The following EPHA3 variants were observed in gnomAD, a reference collection of about 807,000 sequenced individuals.
EPHA3 encodes EPH receptor A3.
EPHA3 carries 42 observed loss-of-function variants against 107.1 expected under a neutral mutation model. That is an observed-to-expected ratio of 0.39 (90% confidence interval 0.31 to 0.51). The LOEUF is 0.51. EPHA3 is among the 20% of genes least tolerant of loss of function. The pLI is 0.78. For synonymous variants in EPHA3, 461 were observed against 424.8 expected, an observed-to-expected ratio of 1.09 and a Z score of -1.05; for missense variants, 1,183 against 1,211.2, an observed-to-expected ratio of 0.98 and a Z score of 0.35.
rs1174531983 is a variant in EPHA3 at position 89,348,099 on chromosome 3, G to A, written c.1306+6009G>A. ...CTCTTTTTTGGTTGTATCTCTGCCCGGCTTTGGTATCAGAATGATGCTGGC... is the reference window on the plus strand; with the variant it reads ...CTCTTTTTTGGTTGTATCTCTGCCCAGCTTTGGTATCAGAATGATGCTGGC... On this transcript the variant is annotated intron_variant, in intron 5 of 16. Coordinates refer to ENST00000336596, the MANE Select transcript of EPHA3 (RefSeq NM_005233.6). 7.4e-5 allele frequency among the ~76,000 whole-genome samples: 11 copies of A among 148,158 alleles called. 1 individual carries two copies. The highest frequency in any genetic ancestry group is 1.2e-4 in the African/African-American group (5 of 40,642).
chr3:89,423,347 T>G (rs1709391354), intron 11 of EPHA3, among the ~76,000 whole-genome samples: 1 of 151,382 alleles, frequency 6.6e-6, no homozygotes, highest in Non-Finnish European at 1.5e-5. Flanking sequence ...TTTCCCTGCA[T>G]GTACGGTAAG....
At chr3:89,350,617 C>T (rs1234532862) in intron 5 of EPHA3, among the ~76,000 whole-genome samples, 8 of 151,030 alleles carry the variant, frequency 5.3e-5, no homozygotes, top group Admixed American at 1.3e-4. Context: ...TCTCTCAGCT[C>T]GTCAAAGTCA....
chr3:89,136,955 C>A (rs1006395377), intron 2 of EPHA3, among the ~76,000 whole-genome samples: 1 of 151,772 alleles, frequency 6.6e-6, no homozygotes, highest in Non-Finnish European at 1.5e-5. Flanking sequence ...ATAACTTTGG[C>A]ACTAAGCTCT....
intron 11 of EPHA3, among the ~76,000 whole-genome samples, chr3:89,428,597 G>A (rs568059136): frequency 5.1e-4 from 77 of 152,018 alleles, no homozygotes; most frequent in Non-Finnish European, 8.5e-4. Context: ...TGTAGAACTC[G>A]TGTAGAATCC....
At chr3:89,344,397 TA>T (rs373299624) in intron 5 of EPHA3, among the ~76,000 whole-genome samples, 2 of 152,124 alleles carry the variant, frequency 1.3e-5, no homozygotes, top group Middle Eastern at 6.8e-3. Flanking sequence ...CTCTCCCATT[TA>T]AAAAAAATCA....
Position 89,140,710 on chromosome 3 carries a change from A to G in EPHA3, c.153+13437A>G, listed in dbSNP as rs563529353. Reference sequence around the variant, plus strand: ...CATTTAGGGGAAGGTTAAGTGTAATAGCATTATTTCAGAAGTGAAAATATA... The same window carrying G: ...CATTTAGGGGAAGGTTAAGTGTAATGGCATTATTTCAGAAGTGAAAATATA... On this transcript the variant is annotated intron_variant, in intron 2 of 16. Transcript: ENST00000336596. Among the ~76,000 whole-genome samples the G allele has an allele frequency of 1.4e-3, 211 of 151,850 alleles. 2 individuals carry two copies. The highest frequency in any genetic ancestry group is 4.8e-3 in the African/African-American group (198 of 41,518).
chr3:89,340,152 G>A (rs79543541), intron 3 of EPHA3, among the ~76,000 whole-genome samples: 2,807 of 152,172 alleles, frequency 0.018, 39 homozygotes, highest in Non-Finnish European at 0.031. Flanking sequence ...ATCAATGTTC[G>A]ATAACCAGTT....
intron 10 of EPHA3, 92 bp from the exon 11 acceptor site, chr3:89,419,113 A>G: frequency 7.6e-7 from 1 of 1,314,738 alleles, no homozygotes; most frequent in South Asian, 1.6e-5. Context: ...AAATATTTTA[A>G]ATGGAAATTT....
intron 2 of EPHA3, among the ~76,000 whole-genome samples, chr3:89,128,500 A>C (rs951228603): frequency 6.6e-6 from 1 of 152,146 alleles, no homozygotes; most frequent in Non-Finnish European, 1.5e-5. Context: ...GAAACTAATC[A>C]TCTAAAAGTC....
intron 10 of EPHA3, among the ~76,000 whole-genome samples, chr3:89,418,886 C>A (rs1249657792): frequency 6.6e-6 from 1 of 151,378 alleles, no homozygotes; most frequent in Non-Finnish European, 1.5e-5. Flanking sequence ...GTAGCTATGA[C>A]AACAAGGGGT....
rs567607724 is a variant in EPHA3 at position 89,212,980 on chromosome 3, C to A, written c.814+2460C>A. ...TTGTTTTACTTCTGACTTAGGATAC[C>A]AGTTCTTACTCTCCACTCATTTCTC... On this transcript the variant is annotated intron_variant, in intron 3 of 16. Transcript: ENST00000336596. 1.3e-5 allele frequency among the ~76,000 whole-genome samples: 2 copies of A among 152,020 alleles called. 1 individual carries two copies. Among genetic ancestry groups the A allele is most frequent in the African/African-American group, 4.8e-5 (2 of 41,516 alleles).
At chr3:89,121,264 T>TA (rs1365050510) in intron 1 of EPHA3, among the ~76,000 whole-genome samples, 2 of 146,620 alleles carry the variant, frequency 1.4e-5, no homozygotes, top group African/African-American at 2.5e-5. Flanking sequence ...ATAAATAAAA[T>TA]AAATTATTAC....
intron 5 of EPHA3, among the ~76,000 whole-genome samples, chr3:89,344,679 C>T (rs1229551323): frequency 2.0e-5 from 3 of 152,078 alleles, no homozygotes; most frequent in African/African-American, 4.8e-5. Context: ...AGATATGATG[C>T]CAGGGTGCTT....
chr3:89,113,611 G>A (rs1200395583), intron 1 of EPHA3, among the ~76,000 whole-genome samples: 3 of 150,956 alleles, frequency 2.0e-5, no homozygotes, highest in African/African-American at 4.9e-5. Context: ...GAAAAGCAAA[G>A]GTTTTAAAGC....
chr3:89,203,520 A>T (rs1474532923), intron 2 of EPHA3, among the ~76,000 whole-genome samples: 3 of 151,668 alleles, frequency 2.0e-5, no homozygotes, highest in Non-Finnish European at 2.9e-5. Flanking sequence ...AAGCCTGTAA[A>T]CCTAGCACTT....
chr3:89,383,737 C>G (rs1389331913), intron 5 of EPHA3, among the ~76,000 whole-genome samples: 1 of 150,556 alleles, frequency 6.6e-6, no homozygotes, highest in African/African-American at 2.5e-5. Context: ...CAAGCTCCAC[C>G]TCCCGGGTTC....
chr3:89,458,251 G>A (rs1017410813), intron 15 of EPHA3, among the ~76,000 whole-genome samples: 4 of 152,044 alleles, frequency 2.6e-5, no homozygotes, highest in African/African-American at 7.2e-5. Flanking sequence ...AACTCACTAC[G>A]TTGACTGCCA....
rs766108534 is a variant in EPHA3 at position 89,368,063 on chromosome 3, A to G, written c.1306+25973A>G. On this transcript the variant is annotated intron_variant, in intron 5 of 16. Coordinates refer to ENST00000336596, the MANE Select transcript of EPHA3 (RefSeq NM_005233.6). ...TGGGCCTTATCCAATAGGCATTTTTATATACATTTTAAGTGAGAGAGCTGT... is the reference window on the plus strand; with the variant it reads ...TGGGCCTTATCCAATAGGCATTTTTGTATACATTTTAAGTGAGAGAGCTGT... 5.3e-5 allele frequency among the ~76,000 whole-genome samples: 8 copies of G among 150,528 alleles called. 1 individual carries two copies. Among genetic ancestry groups the G allele is most frequent in the Non-Finnish European group, 8.9e-5 (6 of 67,220 alleles).
chr3:89,191,873 A>G (rs1358349239), intron 2 of EPHA3, among the ~76,000 whole-genome samples: 1 of 152,172 alleles, frequency 6.6e-6, no homozygotes, highest in East Asian at 1.9e-4. Flanking sequence ...TGTTAAAAAG[A>G]TAAGTAAAGG....
Sources: allele counts gnomAD v4.1 joint callset (sites outside exome capture counted in the v4.1 genomes callset), GRCh38; gene constraint gnomAD v4.1.1; transcripts MANE v1.5; gene names NCBI Gene and HGNC (gene_info 2026-07-23, HGNC 2026-07-21).